EHD4: variants seen among roughly 807,000 people sequenced by gnomAD.
EHD4 encodes the protein EH domain-containing protein 4.
Under a neutral mutation model 51.0 loss-of-function variants are expected in EHD4, and 37 were observed. The observed-to-expected ratio is 0.73, with a 90% CI of 0.56 to 0.95. The LOEUF (loss-of-function observed/expected upper bound fraction) is 0.95, where lower values mean the gene tolerates loss of function less well. EHD4 is among the 40% of genes least tolerant of loss of function. EHD4 has a pLI of 0.00. For missense variants in EHD4, 632 were observed against 733.1 expected (o/e 0.86, Z 1.59); for synonymous variants, 297 against 317.3 (o/e 0.94, Z 0.68).
At chr15:41,930,824 C>G (rs1000111594) in intron 3 of EHD4, among the ~76,000 whole-genome samples, 3 of 152,120 alleles carry the variant, frequency 2.0e-5, no homozygotes, top group African/African-American at 4.8e-5. Context: ...ACACGGGGCT[C>G]CTTATAAAAA....
chr15:41,942,510 G>A (rs2067780309), intron 3 of EHD4: 1 of 152,764 alleles, frequency 6.5e-6, no homozygotes, highest in Non-Finnish European at 1.5e-5. Context: ...CTCCTAAAGT[G>A]CTGGGATTAC....
chr15:41,929,628 G>A (rs533357992), intron 3 of EHD4, among the ~76,000 whole-genome samples: 8 of 151,978 alleles, frequency 5.3e-5, no homozygotes, highest in Non-Finnish European at 7.3e-5. Flanking sequence ...CTTTGCTGGA[G>A]AGGGAAGTTG....
chr15:41,950,488 A>T (rs938981022), intron 2 of EHD4, among the ~76,000 whole-genome samples: 5 of 152,256 alleles, frequency 3.3e-5, no homozygotes, highest in Admixed American at 6.5e-5. Context: ...TGCTATGTGA[A>T]AAGAGGTTTG....
Position 41,901,810 on chromosome 15 carries a change from C to T in EHD4, c.1090-629G>A, listed in dbSNP as rs1595528267. Among the ~76,000 whole-genome samples the T allele has an allele frequency of 2.0e-5, 3 of 152,326 alleles. No homozygotes were observed. In the East Asian group the frequency reaches 5.8e-4, roughly 29 times the overall value. ...AGCTGAGGGCGCTACTCAACAGGAA[C>T]CCCGTAGGACCAGCCCCACCAAGTA... On this transcript the variant is annotated intron_variant, in intron 5 of 5. Coordinates refer to ENST00000220325, the MANE Select transcript of EHD4 (RefSeq NM_139265.4).
chr15:41,925,197 C>A (rs2067653488), intron 3 of EHD4, among the ~76,000 whole-genome samples: 1 of 152,176 alleles, frequency 6.6e-6, no homozygotes, highest in Admixed American at 6.5e-5. Context: ...TCTCCACAAA[C>A]TGCTGAATGG....
rs762283971 is a variant in EHD4 at position 41,943,062 on chromosome 15, C to A, written c.511+5G>T. On this transcript the variant is annotated splice_donor_5th_base_variant and intron_variant, in intron 3 of 5. Coordinates refer to ENST00000220325, the MANE Select transcript of EHD4 (RefSeq NM_139265.4). ...TGGTGGGGAGGGGCAGGGACAGGCA[C>A]TGACCTCGGCTGATGCGCTGCTTCT... The A allele has an allele frequency of 6.4e-7, 1 of 1,566,084 alleles. No individual in the cohort carries two copies. The highest frequency in any genetic ancestry group is 1.9e-5 in the Admixed American group (1 of 52,320).
intron 4 of EHD4, among the ~76,000 whole-genome samples, chr15:41,915,324 C>T (rs985078318): frequency 5.3e-5 from 8 of 152,162 alleles, no homozygotes; most frequent in East Asian, 1.9e-4. Flanking sequence ...GTGATCTGCC[C>T]GCCTTGGTTT....
At chr15:41,902,615 A>C (rs1389765056) in intron 5 of EHD4, among the ~76,000 whole-genome samples, 2 of 152,056 alleles carry the variant, frequency 1.3e-5, no homozygotes, top group Non-Finnish European at 2.9e-5. Flanking sequence ...AAGTCATTAA[A>C]AGGGAGAGAG....
intron 3 of EHD4, among the ~76,000 whole-genome samples, chr15:41,940,616 G>A (rs1049243522): frequency 2.0e-5 from 3 of 152,154 alleles, no homozygotes; most frequent in African/African-American, 7.2e-5. Flanking sequence ...TGTGTCCGTC[G>A]GTGTGGCAGG....
intron 3 of EHD4, among the ~76,000 whole-genome samples, chr15:41,929,717 A>G (rs545082924): frequency 6.6e-6 from 1 of 152,236 alleles, no homozygotes; most frequent in Non-Finnish European, 1.5e-5. Flanking sequence ...CTCAGTTTCT[A>G]TACCTGTGAG....
Position 41,895,939 on chromosome 15 carries a change from A to C in EHD4, c.*4706T>G, listed in dbSNP as rs1052813814. The C allele has an allele frequency of 1.3e-5, 2 of 152,192 alleles. No homozygotes were observed. The highest frequency in any genetic ancestry group is 4.8e-5 in the African/African-American group (2 of 41,452). The allele number at this position is 152,192 out of a possible 1,614,324, so 9.4% of individuals were successfully genotyped here. A position where few individuals can be genotyped will look rare whatever the true frequency, so the allele number is the denominator to read the frequency against. Reference sequence around the variant, plus strand: ...CTAAAATCTCAAGTGAAACTGGTTTAAACATTATATTTTTATTATTTATTT... The same window carrying C: ...CTAAAATCTCAAGTGAAACTGGTTTCAACATTATATTTTTATTATTTATTT... On this transcript the variant is annotated 3_prime_UTR_variant, in exon 6 of 6. Transcript: ENST00000220325.
At chr15:41,965,931 C>A (rs1315271663) in intron 1 of EHD4, among the ~76,000 whole-genome samples, 1 of 134,414 alleles carries the variant, frequency 7.4e-6, no homozygotes, top group East Asian at 2.7e-4. Flanking sequence ...CTGCCCACCC[C>A]CCGCCCCACC....
chr15:41,958,536 T>G (rs2067902660), intron 1 of EHD4, among the ~76,000 whole-genome samples: 1 of 152,132 alleles, frequency 6.6e-6, no homozygotes, highest in African/African-American at 2.4e-5. Context: ...AATTTTTTTT[T>G]TCACTTCATA....
rs773449687 is a variant in EHD4, at chr15:41,899,424, T to G, written c.*1221A>C. ...CCTGCCTCGTGATGGGCATTCATGA[T>G]ACGAACCACACAGCCTTTAAAGAAA... On this transcript the variant is annotated 3_prime_UTR_variant, in exon 6 of 6. Coordinates refer to ENST00000220325, the MANE Select transcript of EHD4 (RefSeq NM_139265.4). The G allele has an allele frequency of 4.0e-5, 6 of 151,852 alleles. No homozygotes were observed. The highest frequency in any genetic ancestry group is 8.8e-5 in the Non-Finnish European group (6 of 67,984). 9.4% of individuals were successfully genotyped at this position (151,852 alleles called of 1,614,324 possible).
At chr15:41,939,788 G>A (rs1302800099) in intron 3 of EHD4, among the ~76,000 whole-genome samples, 5 of 90,836 alleles carry the variant, frequency 5.5e-5, no homozygotes, top group Non-Finnish European at 8.1e-5. Flanking sequence ...GCAAGACTCC[G>A]TCTCAAAAAA....
chr15:41,949,479 A>C (rs1287468593), intron 2 of EHD4, among the ~76,000 whole-genome samples: 1 of 152,144 alleles, frequency 6.6e-6, no homozygotes, highest in Admixed American at 6.6e-5. Context: ...TCAATAATAC[A>C]CCTGCGTATT....
intron 1 of EHD4, among the ~76,000 whole-genome samples, chr15:41,961,442 T>C (rs2067923757): frequency 6.6e-6 from 1 of 152,260 alleles, no homozygotes; most frequent in Non-Finnish European, 1.5e-5. Context: ...ACAACAGACT[T>C]TAGGTTGTAA....
rs183533997 is a variant in EHD4 at position 41,930,191 on chromosome 15, C to T, written c.512-10569G>A. Among the ~76,000 whole-genome samples, 914 of 152,278 alleles carry T rather than the reference C, an allele frequency of 6.0e-3. 8 individuals are homozygous for T. The highest frequency in any genetic ancestry group is 0.021 in the African/African-American group (871 of 41,546). On this transcript the variant is annotated intron_variant, in intron 3 of 5. Transcript: ENST00000220325. ...TCCAAGGATGCTTAAGAAGTCACCC[C>T]ATCTAACCTTCTGATATTATTATAT...
intron 1 of EHD4, among the ~76,000 whole-genome samples, chr15:41,960,730 G>C (rs2067919253): frequency 6.9e-6 from 1 of 145,008 alleles, no homozygotes. Context: ...CTGGAGTGCA[G>C]TGGCATGATC....
Sources: allele counts gnomAD v4.1 joint callset (sites outside exome capture counted in the v4.1 genomes callset), GRCh38; gene constraint gnomAD v4.1.1; transcripts MANE v1.5; gene names NCBI Gene and HGNC (gene_info 2026-07-23, HGNC 2026-07-21).